Variants in HK3 observed in about 807,000 individuals in gnomAD.
HK3 encodes hexokinase 3.
Under a neutral mutation model 91.0 loss-of-function variants are expected in HK3, and 93 were observed. That is an observed-to-expected ratio of 1.02 (90% CI 0.86 to 1.21). HK3 has a LOEUF of 1.21. Ranked by LOEUF, HK3 falls within the 50% of genes most tolerant of loss-of-function variation. The pLI is 0.00. For missense variants in HK3, 1,235 were observed against 1,247.4 expected (o/e 0.99, Z 0.15); for synonymous variants, 519 against 516.9 (o/e 1.00, Z -0.06).
rs753400254 is a variant in HK3, at chr5:176,891,106, C to A, written c.345G>T (p.Gly115=). Residue 115 remains glycine (G), a synonymous_variant, in exon 4 of 19, where the codon GGG becomes GGT. Coordinates refer to ENST00000292432, the MANE Select transcript of HK3 (RefSeq NM_002115.3). Reference sequence around the variant, plus strand: ...CCTGGCTTCTGGGCTCCACCCTATGCCCCTCAATGCCAGTTAGAGTCACCC... The same window carrying A: ...CCTGGCTTCTGGGCTCCACCCTATGACCCTCAATGCCAGTTAGAGTCACCC... ...VLWVTLTGIE[G]HRVEPRSQEF... is the part of the protein sequence containing the mutation. The A allele has an allele frequency of 1.9e-6, 3 of 1,614,122 alleles. No homozygotes were observed. The highest frequency in any genetic ancestry group is 4.5e-5 in the East Asian group (2 of 44,870).
chr5:176,883,856 T>C lies in HK3; in HGVS notation c.1967A>G (p.Asn656Ser). 1 of 1,614,058 alleles carries C rather than the reference T, an allele frequency of 6.2e-7. No homozygotes were observed. Among genetic ancestry groups the C allele is most frequent in the Middle Eastern group, 1.7e-4 (1 of 6,060 alleles). The change falls in exon 15 of 19, where the codon AAT (asparagine) becomes AGT (serine). Residue 656 changes from asparagine to serine, a missense_variant. Asn to Ser is a conservative substitution (Grantham distance 46, BLOSUM62 1). Coordinates refer to ENST00000292432, the MANE Select transcript of HK3 (RefSeq NM_002115.3). Reference sequence around the variant, plus strand: ...CGTGTCATTGACAATGGCAACCACATTCAGCTCCACTGCCTGCACACAAAA... The same window carrying C: ...CGTGTCATTGACAATGGCAACCACACTCAGCTCCACTGCCTGCACACAAAA... ...AITRRQAVEL[N>S]VVAIVNDTVG...
chr5:176,899,102 T>G (rs2149379849), intron 1 of HK3, among the ~76,000 whole-genome samples, 165 bp downstream of exon 1: 1 of 152,254 alleles, frequency 6.6e-6, no homozygotes, highest in Admixed American at 6.5e-5. Context: ...GCCACTGTAC[T>G]CCAGTCTGGG....
At position 176,881,968 on chromosome 5, in the gene HK3, G is replaced by A. The variant is rs562226289; in HGVS notation, c.2213C>T (p.Ala738Val). 6.8e-6 allele frequency: 11 copies of A among 1,613,578 alleles called. No individual in the cohort carries two copies. The highest frequency in any genetic ancestry group is 3.3e-5 in the Admixed American group (2 of 60,018). The change falls in exon 16 of 19, where the codon GCG (alanine) becomes GTG (valine). Residue 738 changes from alanine (A) to valine (V), a missense_variant. Ala to Val is a moderately conservative substitution (Grantham distance 64). Transcript: ENST00000292432. ...STRFDASVDQ[A>V]SINPGKQRFE... ...CCTCTGCTTGCCGGGGTTGATGGAC[G>A]CCTGGTCCACACTTGCATCAAAGCG... is the stretch of plus-strand genomic sequence containing the variant.
rs1364808805 is a variant in HK3, at chr5:176,887,193, G to A, written c.1737+8C>T. The stretch of plus-strand genomic sequence containing the variant: ...CACCTCTGACATCAAGGTTCAGGCT[G>A]TGGGTACCTGCTGCCCAGAACCCTG... On this transcript the variant is annotated splice_region_variant and intron_variant, in intron 12 of 18. Coordinates refer to ENST00000292432, the MANE Select transcript of HK3 (RefSeq NM_002115.3). The surrounding 1 kb of genome is among the most constrained non-coding windows in gnomAD (Gnocchi z 4.9). 1.2e-6 allele frequency: 2 copies of A among 1,614,162 alleles called. No homozygotes were observed. The highest frequency in any genetic ancestry group is 1.1e-5 in the South Asian group (1 of 91,084).
chr5:176,897,353 T>A (rs1581306159), intron 1 of HK3, among the ~76,000 whole-genome samples: 1 of 152,106 alleles, frequency 6.6e-6, no homozygotes, highest in African/African-American at 2.4e-5. Context: ...AGTCAGGTGC[T>A]CTTTAGGGGT....
chr5:176,888,878 G>A lies in HK3; in HGVS notation c.915-14C>T. ...ATCTTCTCAAACCTGCAGGGGGGAAGGGTGGCTGGAGGAAGCCTTTTCTAA... is the reference window on the plus strand; with the variant it reads ...ATCTTCTCAAACCTGCAGGGGGGAAAGGTGGCTGGAGGAAGCCTTTTCTAA... On this transcript the variant is annotated splice_polypyrimidine_tract_variant and intron_variant, in intron 8 of 18. Transcript: ENST00000292432. 1.2e-6 allele frequency: 2 copies of A among 1,608,972 alleles called. No individual in the cohort carries two copies. The highest frequency in any genetic ancestry group is 2.2e-5 in the South Asian group (2 of 90,964).
rs1354822697 is a variant in HK3, at chr5:176,887,038, G to T, written c.1821C>A (p.Thr607=). 13 of 1,614,194 alleles carry T rather than the reference G, an allele frequency of 8.1e-6. No homozygotes were observed. Among genetic ancestry groups the T allele is most frequent in the Non-Finnish European group, 1.1e-5 (13 of 1,180,046 alleles). Residue 607 remains threonine, a synonymous_variant, in exon 13 of 19, where the codon ACC becomes ACA. Coordinates refer to ENST00000292432, the MANE Select transcript of HK3 (RefSeq NM_002115.3). This position sits in a 1 kb window ranked among gnomAD's most constrained non-coding sequence, Gnocchi z 4.9. The part of the protein sequence containing the change: ...LSGQSLPLGF[T]FSFPCRQLGL... ...CAAGCTGCCTACATGGGAAGGAGAAGGTAAAACCCAGTGGGAGGCTCTGCC... is the reference window on the plus strand; with the variant it reads ...CAAGCTGCCTACATGGGAAGGAGAATGTAAAACCCAGTGGGAGGCTCTGCC...
At position 176,890,837 on chromosome 5, in the gene HK3, C is replaced by G. The variant is rs150021076; in HGVS notation, c.519G>C (p.Gln173His). Residue 173 changes from glutamine (Q) to histidine (H), a missense_variant, in exon 5 of 19, where the codon CAG becomes CAC. Coordinates refer to ENST00000292432, the MANE Select transcript of HK3 (RefSeq NM_002115.3). ...LGFSFSFPCH[Q>H]TGLDRSTLIS... The stretch of plus-strand genomic sequence containing the variant: ...TCCACCTCACCCTGTCCAAGCCCGT[C>G]TGGTGACAAGGGAAAGAGAAGCTGA... 13 of 1,614,062 alleles carry G rather than the reference C, an allele frequency of 8.1e-6. No homozygotes were observed. Among genetic ancestry groups the G allele is most frequent in the Non-Finnish European group, 1.1e-5 (13 of 1,180,058 alleles).
Position 176,881,677 on chromosome 5 carries a change from G to A in HK3, c.2393+15C>T. ...GACCCCCTGAAGTGGGGGAGGCAAT[G>A]TAGGCCTCAGGCACCTTTCGATCTC... On this transcript the variant is annotated intron_variant, in intron 17 of 18. Coordinates refer to ENST00000292432, the MANE Select transcript of HK3 (RefSeq NM_002115.3). 4 of 1,613,716 alleles carry A rather than the reference G, an allele frequency of 2.5e-6. No homozygotes were observed. In the South Asian group the frequency reaches 4.4e-5, roughly 18 times the overall value.
At chr5:176,891,289 G>A (rs993116393) in intron 3 of HK3, 98 bp from the exon 4 acceptor site, 3 of 1,608,174 alleles carry the variant, frequency 1.9e-6, no homozygotes, top group Admixed American at 1.7e-5. Context: ...TCTGGTCAAG[G>A]GGCCATAGAG....
intron 17 of HK3, 61 bp from the exon 18 acceptor site, chr5:176,881,596 T>A: frequency 6.3e-7 from 1 of 1,588,630 alleles, no homozygotes; most frequent in Admixed American, 1.7e-5. Context: ...CACTTCATCC[T>A]CCAGAGCAGA....
chr5:176,898,095 T>C (rs1005672830), intron 1 of HK3, among the ~76,000 whole-genome samples: 1 of 152,166 alleles, frequency 6.6e-6, no homozygotes, highest in Non-Finnish European at 1.5e-5. Context: ...AGAGCTCTCC[T>C]CTGCATCCCC....
In HK3 at chr5:176,881,384, C is replaced by T. The variant is rs1561675018; in HGVS notation, c.2545G>A (p.Glu849Lys). ...LCGAGVAAVV[E>K]KIRENRGLEE... is the part of the protein sequence containing the mutation. The stretch of plus-strand genomic sequence containing the variant: ...AGGCCCCGGTTCTCCCGGATCTTCT[C>T]CACCACGGCAGCTACACCCGCCCCA... Residue 849 changes from glutamate to lysine, a missense_variant, in exon 18 of 19, where the codon GAG (glutamate) becomes AAG (lysine). Physicochemically the swap from Glu to Lys is moderately conservative, Grantham distance 56 (BLOSUM62 1). Around this residue, in one of 3 missense-constraint regions of HK3, gnomAD observed 513 missense variants for 477.4 expected, o/e 1.07. Transcript: ENST00000292432. 6.2e-7 allele frequency: 1 copy of T among 1,613,588 alleles called. No individual in the cohort carries two copies. The highest frequency in any genetic ancestry group is 2.2e-5 in the East Asian group (1 of 44,880).
In HK3 at chr5:176,889,750, T is replaced by A. The variant is rs201951471; in HGVS notation, c.631-6A>T. 19 of 1,613,096 alleles carry A rather than the reference T, an allele frequency of 1.2e-5. No individual in the cohort carries two copies. The highest frequency in any genetic ancestry group is 8.8e-5 in the South Asian group (8 of 91,076). Reference sequence around the variant, plus strand: ...ACCACGTCGATGTTGTAGGCCTAGATGATGAAGAGGGCAGAGGTCAAGGCT... The same window carrying A: ...ACCACGTCGATGTTGTAGGCCTAGAAGATGAAGAGGGCAGAGGTCAAGGCT... On this transcript the variant is annotated splice_region_variant and splice_polypyrimidine_tract_variant and intron_variant, in intron 6 of 18. Transcript: ENST00000292432.
chr5:176,881,423 C>A lies in HK3; in HGVS notation c.2506G>T (p.Ala836Ser). ...LEVCQAVSQR[A>S]AQLCGAGVAA... ...ACACCCGCCCCACAGAGCTGGGCAG[C>A]CCTCTGGGACACAGCCTGGCACACC... is the stretch of plus-strand genomic sequence containing the variant. Residue 836 changes from alanine to serine, a missense_variant, in exon 18 of 19, where the codon GCT becomes TCT. Ala to Ser is a moderately conservative substitution (Grantham distance 99, BLOSUM62 1). Around this residue, in one of 3 missense-constraint regions of HK3, gnomAD observed 513 missense variants for 477.4 expected, o/e 1.07. Transcript: ENST00000292432. 12 of 1,612,458 alleles carry A rather than the reference C, an allele frequency of 7.4e-6. No homozygotes were observed. Among genetic ancestry groups the A allele is most frequent in the Non-Finnish European group, 1.0e-5 (12 of 1,180,034 alleles).
At position 176,889,568 on chromosome 5, in the gene HK3, G is replaced by C. The variant is rs749842533; in HGVS notation, c.731-4C>G. 3 of 1,614,104 alleles carry C rather than the reference G, an allele frequency of 1.9e-6. No individual in the cohort carries two copies. The highest frequency in any genetic ancestry group is 2.5e-6 in the Non-Finnish European group (3 of 1,179,946). On this transcript the variant is annotated splice_region_variant and splice_polypyrimidine_tract_variant and intron_variant, in intron 7 of 18. Coordinates refer to ENST00000292432, the MANE Select transcript of HK3 (RefSeq NM_002115.3). ...TAACACGCGTTGGTGCCCGTGTCTG[G>C]CAGAGACAACCCTGTCAAGGCCTGC... is the stretch of plus-strand genomic sequence containing the variant.
chr5:176,891,589 T>C lies in HK3; in HGVS notation c.97-39A>G, dbSNP rs141794594. 2.2e-4 allele frequency: 349 copies of C among 1,585,556 alleles called. 1 individual carries two copies. Among genetic ancestry groups the C allele is most frequent in the Middle Eastern group, 3.4e-4 (2 of 5,834 alleles). On this transcript the variant is annotated intron_variant, in intron 2 of 18. Coordinates refer to ENST00000292432, the MANE Select transcript of HK3 (RefSeq NM_002115.3). The stretch of plus-strand genomic sequence containing the variant: ...GGCCAACATCTGGGAAGGAGCACCA[T>C]TGGGCTGGCCAGACTCCCCACCTCC...
In HK3 at chr5:176,888,435, CAGCA is replaced by C; in HGVS notation, c.1197_1200del (p.Cys399TrpfsTer45). The stretch of plus-strand genomic sequence containing the variant: ...CAGGAGAGAACAGCGGCCAGGGCGG[CAGCA>C]CAGAGCTGGGCAGCCCGCGTGCACA... On this transcript the variant is annotated frameshift_variant, in exon 10 of 19. Coordinates refer to ENST00000292432, the MANE Select transcript of HK3 (RefSeq NM_002115.3). LOFTEE classifies it high-confidence loss of function. 6.4e-7 allele frequency: 1 copy of C among 1,559,090 alleles called. No individual in the cohort carries two copies. Among genetic ancestry groups the C allele is most frequent in the Non-Finnish European group, 8.7e-7 (1 of 1,150,960 alleles).
At chr5:176,889,868 T>C (rs1293607255) in intron 6 of HK3, 124 bp from the exon 7 acceptor site, 1 of 732,046 alleles carries the variant, frequency 1.4e-6, no homozygotes, top group Non-Finnish European at 2.4e-6. Flanking sequence ...AACACATGTC[T>C]GCATGCCACA....
Sources: gnomAD v4.1 joint callset for allele counts (sites outside exome capture counted in the v4.1 genomes callset) on GRCh38, gnomAD v4.1.1 for gene constraint, gnomAD v4.1.1 regional missense constraint, Gnocchi (gnomAD v3.1) non-coding constraint, MANE v1.5 for transcripts, NCBI Gene and HGNC (gene_info 2026-07-23, HGNC 2026-07-21) for gene names.